Variants in ABCA8 observed in about 807,000 individuals in gnomAD.
ABCA8 encodes the protein ABC-type organic anion transporter ABCA8.
A neutral mutation model predicts 192.3 loss-of-function variants in ABCA8; 177 were observed. The ratio of observed to expected loss-of-function variants is 0.92; its 90% confidence interval spans 0.81 to 1.04. The LOEUF is 1.04. Ranked by LOEUF, ABCA8 falls within the 50% of genes least tolerant of loss-of-function variation. ABCA8 has a pLI of 0.00. For missense variants in ABCA8, 1,915 were observed against 1,904.8 expected (o/e 1.01, Z -0.10); for synonymous variants, 642 against 690.2 (o/e 0.93, Z 1.09).
At position 68,887,062 on chromosome 17, in the gene ABCA8, G is replaced by A. The variant is rs746364639; in HGVS notation, c.3384C>T (p.Arg1128=). 6.2e-7 allele frequency: 1 copy of A among 1,612,686 alleles called. No homozygotes were observed. Among genetic ancestry groups the A allele is most frequent in the Admixed American group, 1.7e-5 (1 of 59,918 alleles). ...AAATGCCACTATTTTTTCTCCCCTT[G>A]CGAAAGATGAAGGAAATCACGTATG... ...FMTYVISFIF[R]KGRKNSGIWS... is the part of the protein sequence containing the mutation. The change falls in exon 26 of 40, where the codon CGC becomes CGT. Residue 1128 remains arginine, a synonymous_variant. Transcript: ENST00000586539.
At chr17:68,884,822 GA>G (rs1173067760) in intron 27 of ABCA8, 1 of 985,100 alleles carries the variant, frequency 1.0e-6, no homozygotes, top group African/African-American at 1.7e-5. Context: ...CAGTCAGCCA[GA>G]AAAAAGGACT....
At chr17:68,870,210 G>A (rs936363906) in intron 37 of ABCA8, among the ~76,000 whole-genome samples, 14 of 152,178 alleles carry the variant, frequency 9.2e-5, no homozygotes, top group African/African-American at 3.4e-4. Context: ...GACATGCCTA[G>A]GTAGAACACC....
Position 68,918,203 on chromosome 17 carries a change from A to G in ABCA8, c.1909-18T>C. 1.2e-6 allele frequency: 2 copies of G among 1,613,100 alleles called. No individual in the cohort carries two copies. Among genetic ancestry groups the G allele is most frequent in the South Asian group, 1.1e-5 (1 of 90,764 alleles). On this transcript the variant is annotated intron_variant, in intron 15 of 39. Coordinates refer to ENST00000586539, the MANE Select transcript of ABCA8 (RefSeq NM_001288985.2). ...AGGAAAATCTATAAACGAGGAAAGT[A>G]TATAAGGCGGTTTTCCTCAAAGGTG...
Position 68,885,311 on chromosome 17 carries a change from G to T in ABCA8, c.3434C>A (p.Thr1145Asn). 1.9e-6 allele frequency: 3 copies of T among 1,609,738 alleles called. No individual in the cohort carries two copies. The highest frequency in any genetic ancestry group is 2.5e-6 in the Non-Finnish European group (3 of 1,178,542). The stretch of plus-strand genomic sequence containing the variant: ...CGCAAATCCAGCCACAGAGAATACA[G>T]TGACCTAAAAGAAGCAAATATGAAG... ...GIWSFCFYVV[T>N]VFSVAGFAFS... The change falls in exon 27 of 40, where the codon ACT (threonine) becomes AAT (asparagine). Residue 1145 changes from threonine (T) to asparagine (N), a missense_variant. Thr to Asn is a moderately conservative substitution (Grantham distance 65). Transcript: ENST00000586539.
chr17:68,948,826 T>G (rs1049797646), intron 2 of ABCA8, among the ~76,000 whole-genome samples: 8 of 152,232 alleles, frequency 5.3e-5, no homozygotes, highest in African/African-American at 1.9e-4. Flanking sequence ...CATGCCTATG[T>G]CCTGAATGGT....
At chr17:68,874,377 A>G (rs1375642658) in intron 37 of ABCA8, among the ~76,000 whole-genome samples, 3 of 152,238 alleles carry the variant, frequency 2.0e-5, no homozygotes, top group Non-Finnish European at 4.4e-5. Context: ...GCAGAAATTC[A>G]GCACCAAATA....
intron 17 of ABCA8, among the ~76,000 whole-genome samples, chr17:68,912,571 A>T (rs1337510356): frequency 1.3e-5 from 2 of 152,182 alleles, no homozygotes; most frequent in African/African-American, 4.8e-5. Flanking sequence ...GCAAATAGAA[A>T]ACAGAAAAGA....
intron 17 of ABCA8, among the ~76,000 whole-genome samples, chr17:68,912,432 G>T (rs2067245093): frequency 6.6e-6 from 1 of 151,542 alleles, no homozygotes; most frequent in Non-Finnish European, 1.5e-5. Flanking sequence ...AAAGAATGAA[G>T]CATGCCTACA....
At chr17:68,925,495 C>T (rs193122372) in intron 10 of ABCA8, among the ~76,000 whole-genome samples, 5 of 152,256 alleles carry the variant, frequency 3.3e-5, no homozygotes, top group African/African-American at 1.2e-4. Context: ...GGAAATGAAT[C>T]CAGCTGTATT....
intron 2 of ABCA8, among the ~76,000 whole-genome samples, chr17:68,946,050 A>AAATTAATTAATTAATTAATTAATT (rs34544091): frequency 1.3e-5 from 2 of 148,780 alleles, no homozygotes; most frequent in Non-Finnish European, 3.0e-5. Flanking sequence ...CTTTTTACCA[A>AAATTAATTAATTAATTAATTAATT]AATTAATTAA....
chr17:68,919,823 C>T, intron 13 of ABCA8: 1 of 166,402 alleles, frequency 6.0e-6, no homozygotes, highest in Non-Finnish European at 1.3e-5. Context: ...TCCCAGCAGG[C>T]CTTCTGAAAG....
chr17:68,954,607 A>G lies in ABCA8; in HGVS notation c.-167+612T>C, dbSNP rs542648928. Reference sequence around the variant, plus strand: ...AGGAGTATGAAAATTCTTTTTACCAATGTACATTTTAAATAACATTGTGGT... The same window carrying G: ...AGGAGTATGAAAATTCTTTTTACCAGTGTACATTTTAAATAACATTGTGGT... On this transcript the variant is annotated intron_variant, in intron 1 of 39. Transcript: ENST00000586539. Among the ~76,000 whole-genome samples the G allele has an allele frequency of 2.7e-4, 41 of 152,308 alleles. 1 individual carries two copies. The South Asian group carries it at 5.6e-3, about 21-fold the overall frequency.
Position 68,894,302 on chromosome 17 carries a change from G to A in ABCA8, c.2907C>T (p.Ser969=). Residue 969 remains serine (S), a synonymous_variant, in exon 23 of 40, where the codon AGC becomes AGT. Coordinates refer to ENST00000586539, the MANE Select transcript of ABCA8 (RefSeq NM_001288985.2). ...TTTTGGCATTGCATGCTAACGAAAA[G>A]CTGTAATTCTAAAATATAACAAGTA... ...ITVCCNEKNY[S]FSLACNAKRL... 7 of 1,606,266 alleles carry A rather than the reference G, an allele frequency of 4.4e-6. No individual in the cohort carries two copies. Among genetic ancestry groups the A allele is most frequent in the Non-Finnish European group, 5.9e-6 (7 of 1,177,708 alleles).
chr17:68,918,226 G>A lies in ABCA8; in HGVS notation c.1909-41C>T, dbSNP rs780196807. ...GTATATAAGGCGGTTTTCCTCAAAGGTGAAGTTCTTCCAGAAAACAACGCA... is the reference window on the plus strand; with the variant it reads ...GTATATAAGGCGGTTTTCCTCAAAGATGAAGTTCTTCCAGAAAACAACGCA... On this transcript the variant is annotated intron_variant, in intron 15 of 39. Coordinates refer to ENST00000586539, the MANE Select transcript of ABCA8 (RefSeq NM_001288985.2). The A allele has an allele frequency of 8.1e-6, 13 of 1,609,268 alleles. No individual in the cohort carries two copies. The Admixed American group carries it at 2.2e-4, about 27-fold the overall frequency.
At chr17:68,923,086 G>C (rs1052861388) in intron 11 of ABCA8, among the ~76,000 whole-genome samples, 2 of 151,970 alleles carry the variant, frequency 1.3e-5, no homozygotes, top group Non-Finnish European at 2.9e-5. Context: ...ATTCTACCAG[G>C]TAAGTATATA....
rs1192445821 is a variant in ABCA8, at chr17:68,951,645, A to G, written c.-166-2173T>C. The stretch of plus-strand genomic sequence containing the variant: ...TTTTCAGCAAGTGCATTTAAAGCAT[A>G]GGTAGCTAGGTGCATAAAACATTGC... On this transcript the variant is annotated intron_variant, in intron 1 of 39. Coordinates refer to ENST00000586539, the MANE Select transcript of ABCA8 (RefSeq NM_001288985.2). 3.9e-5 allele frequency among the ~76,000 whole-genome samples: 6 copies of G among 152,306 alleles called. No individual in the cohort carries two copies. In the East Asian group the frequency reaches 5.8e-4, roughly 15 times the overall value.
chr17:68,891,361 T>C, intron 24 of ABCA8, 128 bp downstream of exon 24: 1 of 590,658 alleles, frequency 1.7e-6, no homozygotes, highest in Non-Finnish European at 2.9e-6. Flanking sequence ...TTCATTTTTA[T>C]AACTTAGAAT....
At position 68,927,213 on chromosome 17, in the gene ABCA8, G is replaced by A. The variant is rs144875235; in HGVS notation, c.1273+703C>T. Among the ~76,000 whole-genome samples the A allele has an allele frequency of 1.6e-4, 25 of 152,172 alleles. 1 individual carries two copies. Among genetic ancestry groups the A allele is most frequent in the African/African-American group, 6.0e-4 (25 of 41,526 alleles). ...GCAGAGGTTTCAGTGAGCCGAGATT[G>A]TGCCACTGCACTCCAGCCTGGATGA... On this transcript the variant is annotated intron_variant, in intron 10 of 39. Coordinates refer to ENST00000586539, the MANE Select transcript of ABCA8 (RefSeq NM_001288985.2).
intron 37 of ABCA8, among the ~76,000 whole-genome samples, chr17:68,871,639 T>C (rs2066059373): frequency 6.6e-6 from 1 of 152,158 alleles, no homozygotes; most frequent in Non-Finnish European, 1.5e-5. Context: ...CTATACACAG[T>C]CATAGGCCAC....
Sources: gnomAD v4.1 joint callset for allele counts (sites outside exome capture counted in the v4.1 genomes callset) on GRCh38, gnomAD v4.1.1 for gene constraint, MANE v1.5 for transcripts, NCBI Gene and HGNC (gene_info 2026-07-23, HGNC 2026-07-21) for gene names.